The following IGF1R variants were observed in gnomAD, a reference collection of about 807,000 sequenced individuals.
IGF1R encodes insulin like growth factor 1 receptor.
Under a neutral mutation model 144.6 loss-of-function variants are expected in IGF1R, and 44 were observed. The ratio of observed to expected loss-of-function variants is 0.30; its 90% confidence interval spans 0.24 to 0.39. The LOEUF (loss-of-function observed/expected upper bound fraction) is 0.39, where lower values mean the gene tolerates loss of function less well. IGF1R is among the 10% of genes least tolerant of loss of function. The pLI is 1.00. For synonymous variants in IGF1R, 795 were observed against 722.8 expected (o/e 1.10, Z -1.60); for missense variants, 1,355 against 1,833.7 (o/e 0.74, Z 4.77).
chr15:98,713,953 CTGG>C (rs2054056123), intron 2 of IGF1R, among the ~76,000 whole-genome samples: 1 of 152,188 alleles, frequency 6.6e-6, no homozygotes, highest in African/African-American at 2.4e-5. Context: ...GCTGGCTTAG[CTGG>C]TGGGGCAGCC....
intron 2 of IGF1R, among the ~76,000 whole-genome samples, chr15:98,870,302 T>A (rs1238137440): frequency 6.6e-6 from 1 of 152,168 alleles, no homozygotes; most frequent in Non-Finnish European, 1.5e-5. Flanking sequence ...CAAAAATAAG[T>A]CTTTGATTGT....
chr15:98,716,252 G>A (rs899767660), intron 2 of IGF1R, among the ~76,000 whole-genome samples: 2 of 152,118 alleles, frequency 1.3e-5, no homozygotes, highest in African/African-American at 4.8e-5. Flanking sequence ...GGTTTCCGTG[G>A]TCTGCTCTGA....
In IGF1R at chr15:98,652,934, CTTTT is replaced by C. The variant is rs5814887; in HGVS notation, c.94+3270_94+3273del. On this transcript the variant is annotated intron_variant, in intron 1 of 20. Transcript: ENST00000650285. ...TATGTGAATTATATCTCAATAAACC[CTTTT>C]TTTTTTTTTTAAAGAAATGTGATCA... Among the ~76,000 whole-genome samples, 10 of 143,300 alleles carry C rather than the reference CTTTT, an allele frequency of 7.0e-5. 1 individual carries two copies. The highest frequency in any genetic ancestry group is 2.6e-4 in the African/African-American group (10 of 39,128). The allele number at this position is 143,300 out of a possible 152,430, so 94.0% of individuals were successfully genotyped here.
chr15:98,879,403 A>G (rs1016175810), intron 2 of IGF1R, among the ~76,000 whole-genome samples: 3 of 152,004 alleles, frequency 2.0e-5, no homozygotes, highest in African/African-American at 7.2e-5. Context: ...TTTCTGTGCT[A>G]TAGCATCCAG....
chr15:98,853,021 G>A (rs191575784), intron 2 of IGF1R, among the ~76,000 whole-genome samples: 1 of 152,280 alleles, frequency 6.6e-6, no homozygotes, highest in East Asian at 1.9e-4. Context: ...GCTTGGATGG[G>A]CAGATCGATT....
chr15:98,650,125 C>T (rs530064580), intron 1 of IGF1R, among the ~76,000 whole-genome samples: 2 of 152,166 alleles, frequency 1.3e-5, no homozygotes, highest in African/African-American at 2.4e-5. Flanking sequence ...ACCGCGTCTC[C>T]GCTGCTGGGG....
At chr15:98,835,155 CCCTACACCCACACACCTTCCCACACAAA>C (rs1379951543) in intron 2 of IGF1R, among the ~76,000 whole-genome samples, 1,665 of 149,650 alleles carry the variant, frequency 0.011, 20 homozygotes, top group Middle Eastern at 0.051. Context: ...ACACACCCAC[CCCTACACCCACACACCTTCCCACACAAA>C]CCTACACCCA....
chr15:98,822,258 G>A (rs1022052744), intron 2 of IGF1R, among the ~76,000 whole-genome samples: 8 of 152,236 alleles, frequency 5.3e-5, no homozygotes, highest in Admixed American at 2.6e-4. Context: ...CACAGTCCTC[G>A]CCCTACCTCG....
At chr15:98,841,919 G>A (rs867460161) in intron 2 of IGF1R, among the ~76,000 whole-genome samples, 3 of 152,288 alleles carry the variant, frequency 2.0e-5, no homozygotes, top group East Asian at 1.9e-4. Context: ...TTGGCCTCTC[G>A]AGGAGAACGG....
intron 2 of IGF1R, among the ~76,000 whole-genome samples, chr15:98,759,343 G>A (rs1367111621): frequency 1.3e-5 from 2 of 152,208 alleles, no homozygotes; most frequent in South Asian, 2.1e-4. Flanking sequence ...ACCTGTGTAT[G>A]TCTGTTCTTG....
intron 2 of IGF1R, among the ~76,000 whole-genome samples, chr15:98,777,987 CG>C (rs1040053355): frequency 2.0e-5 from 3 of 151,998 alleles, no homozygotes; most frequent in Admixed American, 2.0e-4. Context: ...GATGTGTGTA[CG>C]GGGGTTAGAT....
rs1465553182 is a variant in IGF1R, at chr15:98,957,181, C to T, written c.3843C>T (p.Tyr1281=). The change falls in exon 21 of 21, where the codon TAC becomes TAT. Residue 1281 remains tyrosine, a synonymous_variant. Transcript: ENST00000650285. ...GCTTCCGGGAGGTCTCCTTCTACTACAGCGAGGAGAACAAGCTGCCCGAGC... is the reference window on the plus strand; with the variant it reads ...GCTTCCGGGAGGTCTCCTTCTACTATAGCGAGGAGAACAAGCTGCCCGAGC... ...EPGFREVSFY[Y]SEENKLPEPE... 2 of 1,614,270 alleles carry T rather than the reference C, an allele frequency of 1.2e-6. No individual in the cohort carries two copies. The highest frequency in any genetic ancestry group is 1.7e-5 in the Admixed American group (1 of 60,036).
Position 98,727,728 on chromosome 15 carries a change from GC to G in IGF1R, c.640+19623del, listed in dbSNP as rs562740850. ...GGGGCAGTCACAGGCTTTCCTCTCG[GC>G]CTGCTTGTCCTCCGGGTGGGTCCAG... On this transcript the variant is annotated intron_variant, in intron 2 of 20. Transcript: ENST00000650285. 1.2e-4 allele frequency among the ~76,000 whole-genome samples: 19 copies of G among 152,268 alleles called. No individual in the cohort carries two copies. In the South Asian group the frequency reaches 3.5e-3, roughly 28 times the overall value.
intron 2 of IGF1R, among the ~76,000 whole-genome samples, chr15:98,804,650 C>T (rs531729006): frequency 6.6e-5 from 10 of 152,070 alleles, no homozygotes; most frequent in Non-Finnish European, 1.2e-4. Flanking sequence ...GTGCTAAGAC[C>T]GTCATCATGG....
Position 98,792,796 on chromosome 15 carries a change from G to A in IGF1R, c.640+84689G>A, listed in dbSNP as rs1393898713. 4.6e-5 allele frequency among the ~76,000 whole-genome samples: 7 copies of A among 152,164 alleles called. No individual in the cohort carries two copies. The East Asian group carries it at 1.3e-3, about 29-fold the overall frequency. ...TTTGGATATTTTGTACTGATACTCT[G>A]TGCCTACACAGATTTTGTTTTGGTT... On this transcript the variant is annotated intron_variant, in intron 2 of 20. Coordinates refer to ENST00000650285, the MANE Select transcript of IGF1R (RefSeq NM_000875.5).
rs1449623087 is a variant in IGF1R at position 98,648,746 on chromosome 15, T to TC, written c.-830dup. On this transcript the variant is annotated 5_prime_UTR_variant, in exon 1 of 21. Transcript: ENST00000650285. ...CAGACCCTCGGCCCCGCTCCCCGGA[T>TC]CCCCCCGCGCCCTCCACGCCCCTCC... Among the ~76,000 whole-genome samples the TC allele has an allele frequency of 2.1e-5, 3 of 145,776 alleles. No homozygotes were observed. The highest frequency in any genetic ancestry group is 7.5e-5 in the African/African-American group (3 of 40,266).
intron 10 of IGF1R, among the ~76,000 whole-genome samples, chr15:98,920,131 G>A (rs1439236883): frequency 6.6e-6 from 1 of 152,192 alleles, no homozygotes; most frequent in African/African-American, 2.4e-5. Context: ...AAAGTAAAAG[G>A]TTTTCCAATA....
chr15:98,939,533 C>T (rs989674381), intron 18 of IGF1R, among the ~76,000 whole-genome samples, 173 bp downstream of exon 18: 3 of 152,162 alleles, frequency 2.0e-5, no homozygotes, highest in Non-Finnish European at 2.9e-5. Context: ...CTGGCACGGT[C>T]GGTCCCAATG....
At chr15:98,680,797 C>G (rs151012260) in intron 1 of IGF1R, among the ~76,000 whole-genome samples, 1 of 150,582 alleles carries the variant, frequency 6.6e-6, no homozygotes, top group Non-Finnish European at 1.5e-5. Flanking sequence ...GTCTTGAACT[C>G]TTGGTGTCAA....
Sources: gnomAD v4.1 joint callset for allele counts (sites outside exome capture counted in the v4.1 genomes callset) on GRCh38, gnomAD v4.1.1 for gene constraint, MANE v1.5 for transcripts, NCBI Gene and HGNC (gene_info 2026-07-23, HGNC 2026-07-21) for gene names.